Variants in SANBR observed in about 807,000 individuals in gnomAD.
The protein encoded by SANBR is SANT and BTB domain regulator of class switch recombination.
A neutral mutation model predicts 101.8 loss-of-function variants in SANBR; 77 were observed. That is an observed-to-expected ratio of 0.76 (90% CI 0.63 to 0.91). The LOEUF (loss-of-function observed/expected upper bound fraction) is 0.91. SANBR is among the 40% of genes least tolerant of loss of function. SANBR has a pLI of 0.00. For synonymous variants in SANBR, 279 were observed against 274.7 expected (o/e 1.02, Z -0.15); for missense variants, 875 against 853.0 (o/e 1.03, Z -0.32).
chr2:61,120,711 T>G (rs1450421954), intron 20 of SANBR, among the ~76,000 whole-genome samples: 2 of 152,008 alleles, frequency 1.3e-5, no homozygotes, highest in Non-Finnish European at 2.9e-5. Flanking sequence ...GCTGACAGAG[T>G]GAGATGCTGT....
intron 1 of SANBR, among the ~76,000 whole-genome samples, chr2:61,066,875 A>G (rs1681203335): frequency 6.6e-6 from 1 of 152,202 alleles, no homozygotes. Context: ...TATGTTCTTA[A>G]AAAATGAAGT....
Position 61,118,504 on chromosome 2 carries a change from G to A in SANBR, c.2028+388G>A, listed in dbSNP as rs112101417. Reference sequence around the variant, plus strand: ...GATCCACCCACTTTGGCCTCCCAAAGTGCTGGGATTACAGGCGTGAGCCAC... The same window carrying A: ...GATCCACCCACTTTGGCCTCCCAAAATGCTGGGATTACAGGCGTGAGCCAC... On this transcript the variant is annotated intron_variant, in intron 20 of 21. Coordinates refer to ENST00000402291, the MANE Select transcript of SANBR (RefSeq NM_001129993.3). Among the ~76,000 whole-genome samples, 1,129 of 150,900 alleles carry A rather than the reference G, an allele frequency of 7.5e-3. 15 individuals are homozygous for A. Among genetic ancestry groups the A allele is most frequent in the Middle Eastern group, 0.017 (5 of 290 alleles).
chr2:61,071,325 C>T (rs572786297), intron 3 of SANBR, among the ~76,000 whole-genome samples: 70 of 152,052 alleles, frequency 4.6e-4, no homozygotes, highest in African/African-American at 1.6e-3. Context: ...CCGAGGCAGG[C>T]AGATCACGAG....
intron 1 of SANBR, among the ~76,000 whole-genome samples, chr2:61,068,136 G>T (rs529528390): frequency 6.6e-6 from 1 of 152,306 alleles, no homozygotes; most frequent in South Asian, 2.1e-4. Context: ...AATCCAGCGA[G>T]TTAAAGAGAG....
Position 61,083,257 on chromosome 2 carries a change from A to T in SANBR, c.833A>T (p.Asp278Val), listed in dbSNP as rs1682237090. 1 of 1,611,130 alleles carries T rather than the reference A, an allele frequency of 6.2e-7. No individual in the cohort carries two copies. Among genetic ancestry groups the T allele is most frequent in the Non-Finnish European group, 8.5e-7 (1 of 1,177,310 alleles). The change falls in exon 8 of 22, where the codon GAT (aspartate) becomes GTT (valine). Residue 278 changes from aspartate to valine, a missense_variant. Coordinates refer to ENST00000402291, the MANE Select transcript of SANBR (RefSeq NM_001129993.3). Reference sequence around the variant, plus strand: ...GCAAATCTTCTCACACGTATAGCTGATCTGTTCTCACACAATGAAGTTGAT... The same window carrying T: ...GCAAATCTTCTCACACGTATAGCTGTTCTGTTCTCACACAATGAAGTTGAT... ...INANLLTRIA[D>V]LFSHNEVDDL...
intron 11 of SANBR, chr2:61,093,466 A>G (rs909286625): frequency 6.6e-6 from 1 of 152,204 alleles, no homozygotes; most frequent in African/African-American, 2.4e-5. Flanking sequence ...GTGGTGGCGC[A>G]TGCCTGTAAT....
intron 20 of SANBR, among the ~76,000 whole-genome samples, chr2:61,129,588 T>C (rs1298319482): frequency 6.6e-6 from 1 of 152,214 alleles, no homozygotes; most frequent in Non-Finnish European, 1.5e-5. Context: ...TATATAATTT[T>C]ATTGTTGGGA....
intron 20 of SANBR, among the ~76,000 whole-genome samples, chr2:61,120,236 C>T (rs1397569245): frequency 6.6e-6 from 1 of 152,176 alleles, no homozygotes; most frequent in Non-Finnish European, 1.5e-5. Flanking sequence ...GGTGCAGTGG[C>T]TCACACCTGT....
chr2:61,114,715 C>T lies in SANBR; in HGVS notation c.1745-1264C>T, dbSNP rs568745972. The stretch of plus-strand genomic sequence containing the variant: ...TGTTGCCCAGGCTTCAATGCCGTGT[C>T]GTGATCACAGCTCACTGCAGCCTCG... On this transcript the variant is annotated intron_variant, in intron 16 of 21. Coordinates refer to ENST00000402291, the MANE Select transcript of SANBR (RefSeq NM_001129993.3). Among the ~76,000 whole-genome samples the T allele has an allele frequency of 1.7e-4, 26 of 152,234 alleles. 1 individual carries two copies. The South Asian group carries it at 5.2e-3, about 30-fold the overall frequency.
At chr2:61,134,234 C>T (rs1301389622) in exon 21 of SANBR, 9 of 1,594,546 alleles carry the variant, frequency 5.6e-6, no homozygotes, top group African/African-American at 5.4e-5. Context: ...CTGTGTTAAA[C>T]GAATTAATAC....
chr2:61,132,483 C>T (rs1573686523), intron 20 of SANBR, among the ~76,000 whole-genome samples: 1 of 152,132 alleles, frequency 6.6e-6, no homozygotes, highest in Non-Finnish European at 1.5e-5. Context: ...CTTTAACGCT[C>T]AGTAGAATGG....
At chr2:61,073,362 T>TTGGAA in intron 4 of SANBR, 96 bp from the exon 5 acceptor site, 4 of 499,548 alleles carry the variant, frequency 8.0e-6, no homozygotes, top group Non-Finnish European at 1.1e-5. Flanking sequence ...ACCATGCATT[T>TTGGAA]ACAGTATTAC....
At chr2:61,099,894 G>A (rs1378424969) in intron 12 of SANBR, among the ~76,000 whole-genome samples, 1 of 152,090 alleles carries the variant, frequency 6.6e-6, no homozygotes, top group Non-Finnish European at 1.5e-5. Flanking sequence ...TGAAAGAACT[G>A]TGTCCTTTGG....
chr2:61,101,959 G>A (rs966714046), intron 12 of SANBR, among the ~76,000 whole-genome samples: 1 of 151,214 alleles, frequency 6.6e-6, no homozygotes, highest in African/African-American at 2.4e-5. Context: ...TTGAATCCAG[G>A]AGGCGGAGGT....
intron 21 of SANBR, 24 bp downstream of exon 21, chr2:61,121,300 G>A: frequency 2.0e-6 from 3 of 1,506,124 alleles, no homozygotes; most frequent in Non-Finnish European, 2.7e-6. Context: ...AACTAAACCA[G>A]AGTGTCAGTG....
intron 16 of SANBR, among the ~76,000 whole-genome samples, chr2:61,115,266 T>TA (rs1684017581): frequency 6.6e-6 from 1 of 152,070 alleles, no homozygotes; most frequent in African/African-American, 2.4e-5. Flanking sequence ...TTTGTTTTGA[T>TA]AATTTCTGTC....
chr2:61,115,814 G>A (rs1302549468), intron 16 of SANBR, 165 bp from the exon 17 acceptor site: 7 of 492,698 alleles, frequency 1.4e-5, no homozygotes, highest in Non-Finnish European at 2.2e-5. Flanking sequence ...CCCCTGTAAA[G>A]CAATTTCAGC....
downstream of SANBR, chr2:61,124,374 A>C: frequency 5.6e-6 from 3 of 540,030 alleles, no homozygotes; most frequent in Non-Finnish European, 7.1e-6. Flanking sequence ...ATGGAAAATT[A>C]TCTCTGCTAC....
At chr2:61,124,822 G>A (rs62151036), downstream of SANBR, among the ~76,000 whole-genome samples, 8,300 of 152,202 alleles carry the variant, frequency 0.055, 347 homozygotes, top group Non-Finnish European at 0.085. Context: ...GTACACAATT[G>A]CATTTATTTG....
Sources: allele counts gnomAD v4.1 joint callset (sites outside exome capture counted in the v4.1 genomes callset), GRCh38; gene constraint gnomAD v4.1.1; transcripts MANE v1.5; gene names NCBI Gene and HGNC (gene_info 2026-07-23, HGNC 2026-07-21).